The following EFCAB10 variants were observed in gnomAD, a reference collection of about 807,000 sequenced individuals.
EFCAB10 encodes the protein EF-hand calcium-binding domain-containing protein 10.
In EFCAB10, 7 loss-of-function variants were observed where a neutral mutation model predicts 7.7. That is an observed-to-expected ratio of 0.91 (90% CI 0.52 to 1.72). EFCAB10 has a LOEUF of 1.72. EFCAB10 is among the 40% of genes most tolerant of loss of function. EFCAB10 has a pLI of 0.00. For synonymous variants in EFCAB10, 52 were observed against 21.0 expected (o/e 2.47, Z -4.03); for missense variants, 112 against 61.5 (o/e 1.82, Z -2.74).
chr7:105,575,630 G>A (rs918166892), intron 1 of EFCAB10, among the ~76,000 whole-genome samples: 7 of 152,146 alleles, frequency 4.6e-5, no homozygotes, highest in Admixed American at 3.9e-4. Context: ...AATTCAGAAT[G>A]GGGGACTGCG....
Position 105,565,392 on chromosome 7 carries a change from T to A in EFCAB10, c.*55A>T. On this transcript the variant is annotated 3_prime_UTR_variant, in exon 5 of 5. Transcript: ENST00000480514. ...ACTTCAGTTGGAGCAGCAGCTTTGTTTCTCCTTATTTAAAATTTTCTGGCA... is the reference window on the plus strand; with the variant it reads ...ACTTCAGTTGGAGCAGCAGCTTTGTATCTCCTTATTTAAAATTTTCTGGCA... The A allele has an allele frequency of 6.2e-7, 1 of 1,614,208 alleles. No individual in the cohort carries two copies. The highest frequency in any genetic ancestry group is 8.5e-7 in the Non-Finnish European group (1 of 1,180,028).
At chr7:105,581,300 G>A (rs1008504611) in intron 1 of EFCAB10, 58 bp downstream of exon 1, 3 of 691,434 alleles carry the variant, frequency 4.3e-6, no homozygotes, top group East Asian at 2.7e-5. Context: ...GGGGGGTTTC[G>A]TGTGGGAAGC....
chr7:105,580,290 C>T, intron 1 of EFCAB10, among the ~76,000 whole-genome samples: 1 of 152,058 alleles, frequency 6.6e-6, no homozygotes, highest in Non-Finnish European at 1.5e-5. Context: ...CCCCAAGGAG[C>T]TTCACGAATA....
chr7:105,577,074 C>T (rs1792099694), intron 1 of EFCAB10, among the ~76,000 whole-genome samples: 1 of 150,234 alleles, frequency 6.7e-6, no homozygotes, highest in African/African-American at 2.5e-5. Context: ...AAAGTGGTAC[C>T]CATGTCTCAG....
chr7:105,567,491 C>G lies in EFCAB10; in HGVS notation c.360-1G>C, dbSNP rs780535491. 2 of 701,496 alleles carry G rather than the reference C, an allele frequency of 2.9e-6. No homozygotes were observed. The highest frequency in any genetic ancestry group is 3.0e-5 in the South Asian group (2 of 66,364). 43.5% of individuals were successfully genotyped at this position (701,496 alleles called of 1,614,324 possible). A position where few individuals can be genotyped will look rare whatever the true frequency, so the allele number is the denominator to read the frequency against. ...CCATATTTCCTTCATCCTCTTGTTCCTAAGGAAACAAAAACAGAAAACGAA... is the reference window on the plus strand; with the variant it reads ...CCATATTTCCTTCATCCTCTTGTTCGTAAGGAAACAAAAACAGAAAACGAA... On this transcript the variant is annotated splice_acceptor_variant, in intron 3 of 4. Coordinates refer to ENST00000480514, the MANE Select transcript of EFCAB10 (RefSeq NM_001355526.2). LOFTEE classifies it high-confidence loss of function.
At chr7:105,572,917 T>A (rs536074860) in intron 1 of EFCAB10, 1 of 152,190 alleles carries the variant, frequency 6.6e-6, no homozygotes, top group African/African-American at 2.4e-5. Flanking sequence ...ATTAGTGATA[T>A]TGAGCATTTT....
At chr7:105,570,074 C>T (rs1048411018) in intron 1 of EFCAB10, among the ~76,000 whole-genome samples, 61 of 150,246 alleles carry the variant, frequency 4.1e-4, no homozygotes, top group African/African-American at 1.4e-3. Context: ...GTTAGCCAGG[C>T]GTGGTGGTGC....
rs948258160 is a variant in EFCAB10, at chr7:105,569,389, T to C, written c.271+18A>G. 1 of 696,310 alleles carries C rather than the reference T, an allele frequency of 1.4e-6. No homozygotes were observed. Among genetic ancestry groups the C allele is most frequent in the African/African-American group, 1.8e-5 (1 of 56,778 alleles). The allele number at this position is 696,310 out of a possible 1,614,324, so 43.1% of individuals were successfully genotyped here. A position where few individuals can be genotyped will look rare whatever the true frequency, so the allele number is the denominator to read the frequency against. On this transcript the variant is annotated intron_variant, in intron 2 of 4. Transcript: ENST00000480514. The stretch of plus-strand genomic sequence containing the variant: ...GAATGACCACAAACTATTACCTCAA[T>C]TTGTAGAATGTACTGACCTTCTTTA...
intron 3 of EFCAB10, chr7:105,567,716 G>C: frequency 2.1e-6 from 1 of 477,422 alleles, no homozygotes; most frequent in Non-Finnish European, 3.7e-6. Flanking sequence ...CCTGTATCTA[G>C]TTTGGGAATT....
intron 1 of EFCAB10, among the ~76,000 whole-genome samples, chr7:105,578,898 T>G (rs558915222): frequency 2.0e-5 from 3 of 152,150 alleles, no homozygotes; most frequent in Non-Finnish European, 4.4e-5. Flanking sequence ...AGAGTCTCCC[T>G]AGTAGCTGGG....
At chr7:105,567,065 T>C (rs920783891) in intron 4 of EFCAB10, 2 of 1,127,472 alleles carry the variant, frequency 1.8e-6, no homozygotes, top group Admixed American at 5.5e-5. Context: ...AATTGTAATA[T>C]AATTGATGCA....
At chr7:105,565,666 C>T in intron 4 of EFCAB10, 3 of 1,458,204 alleles carry the variant, frequency 2.1e-6, no homozygotes, top group South Asian at 1.1e-5. Context: ...CAACATTTAA[C>T]AATTAATATT....
intron 4 of EFCAB10, chr7:105,567,185 GCA>G: frequency 6.2e-7 from 1 of 1,611,432 alleles, no homozygotes; most frequent in Non-Finnish European, 8.5e-7. Context: ...AAGATGTACT[GCA>G]GTCAGCTTCA....
intron 1 of EFCAB10, among the ~76,000 whole-genome samples, chr7:105,580,754 G>A (rs1420448870): frequency 2.6e-5 from 4 of 152,082 alleles, no homozygotes; most frequent in Non-Finnish European, 5.9e-5. Context: ...TCTGCACCCT[G>A]GGGAGGACAT....
In EFCAB10 at chr7:105,581,398, C is replaced by A. The variant is rs1019339588; in HGVS notation, c.66G>T (p.Val22=). 1.4e-6 allele frequency: 1 copy of A among 702,914 alleles called. No individual in the cohort carries two copies. The highest frequency in any genetic ancestry group is 1.7e-5 in the African/African-American group (1 of 57,262). 43.5% of individuals were successfully genotyped at this position (702,914 alleles called of 1,614,324 possible). A position where few individuals can be genotyped will look rare whatever the true frequency, so the allele number is the denominator to read the frequency against. ...EYLEKHQIKE[V]VSYLTSALLF... Reference sequence around the variant, plus strand: ...GGAGGGCGCTGGTGAGGTAGCTAACCACCTCCTTGATCTGATGCTTTTCCA... The same window carrying A: ...GGAGGGCGCTGGTGAGGTAGCTAACAACCTCCTTGATCTGATGCTTTTCCA... The change falls in exon 1 of 5, where the codon GTG becomes GTT. Residue 22 remains valine, a synonymous_variant. Coordinates refer to ENST00000480514, the MANE Select transcript of EFCAB10 (RefSeq NM_001355526.2).
intron 1 of EFCAB10, 66 bp downstream of exon 1, chr7:105,581,292 G>A (rs1562870839): frequency 2.9e-6 from 2 of 689,130 alleles, no homozygotes; most frequent in Non-Finnish European, 5.3e-6. Context: ...GTGTAAGAGG[G>A]GGGTTTCGTG....
Position 105,569,543 on chromosome 7 carries a change from T to C in EFCAB10, c.135A>G (p.Leu45=), listed in dbSNP as rs982607695. ...CTTTTGCAATTCTCAGTCGTTCCAA[T>C]AGAGATATTAAATATTCTTTTGGTT... ...PEKPKEYLIS[L]LERLRIAKVT... The change falls in exon 2 of 5, where the codon CTA becomes CTG. Residue 45 remains leucine, a synonymous_variant. Coordinates refer to ENST00000480514, the MANE Select transcript of EFCAB10 (RefSeq NM_001355526.2). The C allele has an allele frequency of 5.7e-6, 4 of 698,004 alleles. No homozygotes were observed. The highest frequency in any genetic ancestry group is 1.0e-5 in the Non-Finnish European group (4 of 383,916). 43.2% of individuals were successfully genotyped at this position (698,004 alleles called of 1,614,324 possible). A position where few individuals can be genotyped will look rare whatever the true frequency, so the allele number is the denominator to read the frequency against.
rs1444330116 is a variant in EFCAB10, at chr7:105,565,133, T to C, written c.*314A>G. On this transcript the variant is annotated 3_prime_UTR_variant, in exon 5 of 5. Transcript: ENST00000480514. ...TATAAATACAGGTACATTTATTTTC[T>C]GATAGAGCTTTTAATGTTAGGCTGT... 5.2e-6 allele frequency: 3 copies of C among 571,686 alleles called. No individual in the cohort carries two copies. The highest frequency in any genetic ancestry group is 8.8e-6 in the Non-Finnish European group (3 of 340,076). 35.4% of individuals were successfully genotyped at this position (571,686 alleles called of 1,614,324 possible).
intron 1 of EFCAB10, among the ~76,000 whole-genome samples, chr7:105,570,205 C>CTG (rs1491171561): frequency 3.4e-5 from 1 of 29,492 alleles, no homozygotes; most frequent in Non-Finnish European, 6.6e-5. Context: ...CAGAGCAAGA[C>CTG]TCTCTCAAAA....
Sources: allele counts gnomAD v4.1 joint callset (sites outside exome capture counted in the v4.1 genomes callset), GRCh38; gene constraint gnomAD v4.1.1; transcripts MANE v1.5; gene names NCBI Gene and HGNC (gene_info 2026-07-23, HGNC 2026-07-21).